Variants in CDK17 observed in about 807,000 individuals in gnomAD.
CDK17 encodes cyclin-dependent kinase 17.
Under a neutral mutation model 77.6 loss-of-function variants are expected in CDK17, and 24 were observed. That is an observed-to-expected ratio of 0.31 (90% CI 0.22 to 0.44). The LOEUF (loss-of-function observed/expected upper bound fraction) is 0.44, where lower values mean the gene tolerates loss of function less well. Among genes scored for constraint, CDK17 ranks in the 20% least tolerant of loss-of-function variants. The pLI is 1.00. For synonymous variants in CDK17, 203 were observed against 210.4 expected (o/e 0.96, Z 0.30); for missense variants, 429 against 622.5 (o/e 0.69, Z 3.31).
intron 6 of CDK17, 76 bp downstream of exon 6, chr12:96,300,228 A>G (rs1952478069): frequency 1.0e-6 from 1 of 988,328 alleles, no homozygotes; most frequent in Admixed American, 2.1e-5. Flanking sequence ...CCAGGTTAAC[A>G]AAAACCGTGG....
chr12:96,336,102 G>A (rs112382040), intron 1 of CDK17, among the ~76,000 whole-genome samples: 1 of 152,062 alleles, frequency 6.6e-6, no homozygotes, highest in Admixed American at 6.6e-5. Flanking sequence ...TAAAAGCTGG[G>A]GGGGGAGGTA....
At chr12:96,317,151 A>G (rs1344459001) in intron 3 of CDK17, among the ~76,000 whole-genome samples, 77 of 149,226 alleles carry the variant, frequency 5.2e-4, no homozygotes, top group African/African-American at 1.3e-3. Flanking sequence ...CGAGAACTAC[A>G]TGAAGAATGC....
rs74366448 is a variant in CDK17 at position 96,354,146 on chromosome 12, T to C, written c.-29-19281A>G. On this transcript the variant is annotated intron_variant, in intron 1 of 16. Coordinates refer to ENST00000261211, the MANE Select transcript of CDK17 (RefSeq NM_002595.5). ...AACCTGGGCCAAGCAATTTATTTTA[T>C]GATTAAAGAAACAGAGCCTGAAGAG... 2.8e-3 allele frequency among the ~76,000 whole-genome samples: 425 copies of C among 152,266 alleles called. 3 individuals carry two copies. Among genetic ancestry groups the C allele is most frequent in the African/African-American group, 9.7e-3 (404 of 41,556 alleles).
chr12:96,316,744 G>A (rs1245236123), intron 3 of CDK17, among the ~76,000 whole-genome samples: 1 of 125,966 alleles, frequency 7.9e-6, no homozygotes. Flanking sequence ...GCAGCTGAGG[G>A]TCCTGTCTGT....
chr12:96,308,394 G>A (rs1176952480), intron 5 of CDK17, among the ~76,000 whole-genome samples: 1 of 152,072 alleles, frequency 6.6e-6, no homozygotes, highest in South Asian at 2.1e-4. Context: ...CTAGGTGACA[G>A]AGTGAGACCT....
intron 6 of CDK17, 106 bp downstream of exon 6, chr12:96,300,198 C>T: frequency 1.3e-6 from 1 of 760,652 alleles, no homozygotes; most frequent in Non-Finnish European, 2.3e-6. Context: ...ATCTTGTAGA[C>T]ATCAGTACTT....
intron 1 of CDK17, among the ~76,000 whole-genome samples, chr12:96,356,013 T>G (rs1394658971): frequency 6.6e-6 from 1 of 152,156 alleles, no homozygotes; most frequent in Non-Finnish European, 1.5e-5. Flanking sequence ...AAAAGTATTA[T>G]TCATTCATTT....
At chr12:96,283,968 G>A (rs1009308780) in intron 13 of CDK17, among the ~76,000 whole-genome samples, 2 of 152,054 alleles carry the variant, frequency 1.3e-5, no homozygotes, top group African/African-American at 2.4e-5. Flanking sequence ...ATCACTTTTC[G>A]CAGTCTTTCA....
intron 1 of CDK17, among the ~76,000 whole-genome samples, chr12:96,340,803 T>C (rs551178368): frequency 6.6e-6 from 1 of 152,342 alleles, no homozygotes; most frequent in East Asian, 1.9e-4. Context: ...ATCAGTTTAA[T>C]AAAAATTTTT....
intron 3 of CDK17, among the ~76,000 whole-genome samples, chr12:96,314,794 CT>C (rs1952688309): frequency 6.6e-6 from 1 of 152,298 alleles, no homozygotes; most frequent in East Asian, 1.9e-4. Flanking sequence ...CTTTAACACA[CT>C]TTTTTTCTCG....
At chr12:96,388,873 C>T (rs893000366) in intron 1 of CDK17, among the ~76,000 whole-genome samples, 4 of 151,942 alleles carry the variant, frequency 2.6e-5, no homozygotes, top group Admixed American at 6.6e-5. Flanking sequence ...TGTCACATGG[C>T]GAGAGCAGGA....
In CDK17 at chr12:96,293,240, T is replaced by C. The variant is rs1490288631; in HGVS notation, c.997+1759A>G. 2.0e-5 allele frequency among the ~76,000 whole-genome samples: 3 copies of C among 152,302 alleles called. No individual in the cohort carries two copies. The East Asian group carries it at 5.8e-4, about 29-fold the overall frequency. ...TTTTTGTAGAGATGGGGTCTTGCTA[T>C]GTTGCCCAGGCTGGTCTTAAACTCC... On this transcript the variant is annotated intron_variant, in intron 10 of 16. Transcript: ENST00000261211.
Position 96,365,973 on chromosome 12 carries a change from C to T in CDK17, c.-29-31108G>A, listed in dbSNP as rs180956089. On this transcript the variant is annotated intron_variant, in intron 1 of 16. Coordinates refer to ENST00000261211, the MANE Select transcript of CDK17 (RefSeq NM_002595.5). ...GGAGACCTATAAGCATTCCTCCTTC[C>T]TCCTTTGGTAGGCCTGTGAATCTCT... Among the ~76,000 whole-genome samples, 87 of 152,348 alleles carry T rather than the reference C, an allele frequency of 5.7e-4. 1 individual carries two copies. Among genetic ancestry groups the T allele is most frequent in the South Asian group, 8.3e-4 (4 of 4,830 alleles).
chr12:96,288,780 AATG>A (rs1324270835), intron 11 of CDK17, among the ~76,000 whole-genome samples: 5 of 152,310 alleles, frequency 3.3e-5, no homozygotes, highest in East Asian at 3.9e-4. Context: ...GTGAATATTA[AATG>A]ATGATAAAAT....
chr12:96,283,453 T>G (rs956456366), intron 14 of CDK17, 150 bp downstream of exon 14: 17 of 662,294 alleles, frequency 2.6e-5, no homozygotes, highest in Middle Eastern at 3.5e-4. Flanking sequence ...CCATGTTTTT[T>G]TTTTTTTTTT....
rs1952143499 is a variant in CDK17 at position 96,279,318 on chromosome 12, T to C, written c.*924A>G. 1 of 152,220 alleles carries C rather than the reference T, an allele frequency of 6.6e-6. No homozygotes were observed. The highest frequency in any genetic ancestry group is 2.4e-5 in the African/African-American group (1 of 41,472). 9.4% of individuals were successfully genotyped at this position (152,220 alleles called of 1,614,324 possible). On this transcript the variant is annotated 3_prime_UTR_variant, in exon 17 of 17. Coordinates refer to ENST00000261211, the MANE Select transcript of CDK17 (RefSeq NM_002595.5). ...TCCAAGTGAATGTTATTGAAACACA[T>C]AGCCCCCAAATGAAAGAAACTATTC...
intron 1 of CDK17, among the ~76,000 whole-genome samples, chr12:96,379,782 A>G (rs1228022152): frequency 3.9e-5 from 6 of 152,178 alleles, no homozygotes; most frequent in Non-Finnish European, 5.9e-5. Context: ...GGTGAAACCA[A>G]TTTCTAACAT....
intron 2 of CDK17, among the ~76,000 whole-genome samples, chr12:96,327,035 C>T (rs1170665837): frequency 3.3e-5 from 5 of 152,078 alleles, no homozygotes; most frequent in Admixed American, 6.6e-5. Context: ...AAAGGTAACA[C>T]GAGAGATCTA....
At chr12:96,318,550 T>C (rs990179768) in intron 3 of CDK17, among the ~76,000 whole-genome samples, 1 of 144,364 alleles carries the variant, frequency 6.9e-6, no homozygotes, top group African/African-American at 2.6e-5. Context: ...TAGTTGGAAG[T>C]AAAGCTCTCC....
Sources: allele counts gnomAD v4.1 joint callset (sites outside exome capture counted in the v4.1 genomes callset), GRCh38; gene constraint gnomAD v4.1.1; transcripts MANE v1.5; gene names NCBI Gene and HGNC (gene_info 2026-07-23, HGNC 2026-07-21).